The following LHFPL3 variants were observed in gnomAD, a reference collection of about 807,000 sequenced individuals.
LHFPL3 encodes the protein LHFPL tetraspan subfamily member 3.
LHFPL3 carries 5 observed loss-of-function variants against 19.3 expected under a neutral mutation model. That is an observed-to-expected ratio of 0.26 (90% CI 0.14 to 0.54). LHFPL3 has a LOEUF of 0.54. LHFPL3 is among the 20% of genes least tolerant of loss of function. The pLI is 0.94. For missense variants in LHFPL3, 249 were observed against 307.4 expected, an observed-to-expected ratio of 0.81 and a Z score of 1.42; for synonymous variants, 133 against 126.2, an observed-to-expected ratio of 1.05 and a Z score of -0.36.
intron 2 of LHFPL3, among the ~76,000 whole-genome samples, chr7:104,886,000 G>C (rs1330128067): frequency 1.3e-5 from 2 of 152,088 alleles, no homozygotes; most frequent in Non-Finnish European, 2.9e-5. Context: ...TTCCTTCAGG[G>C]AAAGTGTCCC....
intron 1 of LHFPL3, among the ~76,000 whole-genome samples, chr7:104,694,510 A>T (rs1272377603): frequency 6.6e-6 from 1 of 152,252 alleles, no homozygotes; most frequent in East Asian, 1.9e-4. Flanking sequence ...TAAAAACCTG[A>T]AAAACCTTTT....
intron 1 of LHFPL3, among the ~76,000 whole-genome samples, chr7:104,431,594 C>T (rs938020686): frequency 2.0e-5 from 3 of 152,114 alleles, no homozygotes; most frequent in Non-Finnish European, 2.9e-5. Context: ...TCTAAAAATG[C>T]TTCCAAAGTG....
At chr7:104,728,666 T>C (rs1165763655) in intron 1 of LHFPL3, among the ~76,000 whole-genome samples, 1 of 152,214 alleles carries the variant, frequency 6.6e-6, no homozygotes, top group Non-Finnish European at 1.5e-5. Flanking sequence ...ATTTTCTATC[T>C]GAGCCTTTAG....
At chr7:104,512,064 C>T (rs2115773139) in intron 1 of LHFPL3, among the ~76,000 whole-genome samples, 1 of 149,436 alleles carries the variant, frequency 6.7e-6, no homozygotes, top group East Asian at 2.0e-4. Flanking sequence ...AAGCGATTCT[C>T]ATACCTCAGC....
At chr7:104,584,285 A>G (rs562124835) in intron 1 of LHFPL3, among the ~76,000 whole-genome samples, 1 of 151,858 alleles carries the variant, frequency 6.6e-6, no homozygotes. Flanking sequence ...AGGAAGGGGA[A>G]CGTCACACAC....
chr7:104,656,036 C>T (rs755389598), intron 1 of LHFPL3, among the ~76,000 whole-genome samples: 1 of 152,132 alleles, frequency 6.6e-6, no homozygotes. Flanking sequence ...TTTGGTTTTA[C>T]ACCTTTTATC....
At chr7:104,672,110 A>G (rs1792497565) in intron 1 of LHFPL3, among the ~76,000 whole-genome samples, 2 of 149,122 alleles carry the variant, frequency 1.3e-5, no homozygotes, top group Non-Finnish European at 3.0e-5. Flanking sequence ...GCTTATGTAA[A>G]TTTTCTGTGT....
At chr7:104,538,300 G>A (rs560417549) in intron 1 of LHFPL3, among the ~76,000 whole-genome samples, 14 of 152,256 alleles carry the variant, frequency 9.2e-5, no homozygotes, top group East Asian at 5.8e-4. Flanking sequence ...TGAAAGTCCC[G>A]AGGTGCTAAA....
intron 2 of LHFPL3, among the ~76,000 whole-genome samples, chr7:104,882,927 G>A (rs1441883285): frequency 6.6e-6 from 1 of 152,214 alleles, no homozygotes; most frequent in Non-Finnish European, 1.5e-5. Flanking sequence ...GCCTGGGACT[G>A]AAGGCATTCC....
At chr7:104,411,582 T>C (rs374217906) in intron 1 of LHFPL3, among the ~76,000 whole-genome samples, 3 of 152,100 alleles carry the variant, frequency 2.0e-5, no homozygotes, top group South Asian at 2.1e-4. Flanking sequence ...GAAGTAGCAG[T>C]TTCAGAACAA....
intron 1 of LHFPL3, among the ~76,000 whole-genome samples, chr7:104,486,706 A>C (rs1793243512): frequency 6.6e-6 from 1 of 152,164 alleles, no homozygotes; most frequent in Middle Eastern, 3.2e-3. Context: ...AAAATGAACA[A>C]ACTTTTGATA....
At chr7:104,801,224 C>T (rs1313638852) in intron 2 of LHFPL3, among the ~76,000 whole-genome samples, 1 of 152,152 alleles carries the variant, frequency 6.6e-6, no homozygotes, top group East Asian at 1.9e-4. Context: ...ACAGGTGACC[C>T]CAAGGACCAA....
At chr7:104,583,009 T>C (rs994241953) in intron 1 of LHFPL3, among the ~76,000 whole-genome samples, 5 of 151,976 alleles carry the variant, frequency 3.3e-5, no homozygotes, top group African/African-American at 1.2e-4. Flanking sequence ...ACTGGGAATA[T>C]CCATGTTCCC....
chr7:104,573,358 G>T (rs1790263886), intron 1 of LHFPL3, among the ~76,000 whole-genome samples: 2 of 147,184 alleles, frequency 1.4e-5, no homozygotes, highest in Non-Finnish European at 1.5e-5. Flanking sequence ...GTTGCAGTGA[G>T]CCGAGATCAC....
At chr7:104,763,561 G>T (rs926728433) in intron 2 of LHFPL3, among the ~76,000 whole-genome samples, 2 of 152,260 alleles carry the variant, frequency 1.3e-5, no homozygotes, top group African/African-American at 4.8e-5. Flanking sequence ...TCCACAAGAG[G>T]CAGAGGCCAT....
At chr7:104,784,344 C>T (rs1427359063) in intron 2 of LHFPL3, among the ~76,000 whole-genome samples, 1 of 152,156 alleles carries the variant, frequency 6.6e-6, no homozygotes, top group Non-Finnish European at 1.5e-5. Flanking sequence ...GCAGTGTGGC[C>T]TACTTAACAT....
intron 1 of LHFPL3, among the ~76,000 whole-genome samples, chr7:104,548,941 T>A (rs1008661502): frequency 6.6e-6 from 1 of 152,138 alleles, no homozygotes. Context: ...TTGATTGAAA[T>A]GTGTAGCCTC....
At chr7:104,601,806 G>A (rs1790973679) in intron 1 of LHFPL3, among the ~76,000 whole-genome samples, 1 of 152,076 alleles carries the variant, frequency 6.6e-6, no homozygotes, top group Admixed American at 6.5e-5. Flanking sequence ...CCTGGAGCTG[G>A]CTCTGGTCCA....
chr7:104,794,215 C>A (rs1191724916), intron 2 of LHFPL3, among the ~76,000 whole-genome samples: 2 of 152,154 alleles, frequency 1.3e-5, no homozygotes, highest in Non-Finnish European at 2.9e-5. Context: ...CACTTGAACC[C>A]TAGTTTCTTT....
Sources: gnomAD v4.1 joint callset for allele counts (sites outside exome capture counted in the v4.1 genomes callset) on GRCh38, gnomAD v4.1.1 for gene constraint, MANE v1.5 for transcripts, NCBI Gene and HGNC (gene_info 2026-07-23, HGNC 2026-07-21) for gene names.